The following COL21A1 variants were observed in gnomAD, a reference collection of about 807,000 sequenced individuals.
The protein encoded by COL21A1 is collagen alpha-1(XXI) chain.
Under a neutral mutation model 137.9 loss-of-function variants are expected in COL21A1, and 149 were observed. The ratio of observed to expected loss-of-function variants is 1.08; its 90% CI spans 0.95 to 1.24. The LOEUF is 1.24. Ranked by LOEUF, COL21A1 falls within the 50% of genes most tolerant of loss-of-function variation. The pLI, the probability that COL21A1 is intolerant of heterozygous loss-of-function variation, is 0.00. For synonymous variants in COL21A1, 456 were observed against 391.5 expected, an observed-to-expected ratio of 1.16 and a Z score of -1.95; for missense variants, 1,167 against 1,158.4, an observed-to-expected ratio of 1.01 and a Z score of -0.11.
At chr6:56,349,342 C>T (rs1418134800) in intron 1 of COL21A1, among the ~76,000 whole-genome samples, 1 of 103,654 alleles carries the variant, frequency 9.6e-6, no homozygotes, top group Non-Finnish European at 2.1e-5. Flanking sequence ...AGACCCGCCC[C>T]CCTGAAAAAA....
intron 17 of COL21A1, among the ~76,000 whole-genome samples, chr6:56,088,717 G>A: frequency 6.6e-6 from 1 of 151,930 alleles, no homozygotes; most frequent in South Asian, 2.1e-4. Flanking sequence ...CACTTCCTAT[G>A]TGTTTCATGA....
intron 1 of COL21A1, among the ~76,000 whole-genome samples, chr6:56,333,356 G>A (rs1765272647): frequency 7.0e-6 from 1 of 143,856 alleles, no homozygotes; most frequent in Non-Finnish European, 1.5e-5. Context: ...TTACTTTGCA[G>A]TGTTTGAGAA....
At chr6:56,345,756 T>C (rs992860076) in intron 1 of COL21A1, among the ~76,000 whole-genome samples, 1 of 152,204 alleles carries the variant, frequency 6.6e-6, no homozygotes, top group Non-Finnish European at 1.5e-5. Context: ...GTTTTGGAAA[T>C]ATGCTGTGGT....
chr6:56,256,390 A>G (rs1410215199), intron 1 of COL21A1, among the ~76,000 whole-genome samples: 2 of 152,216 alleles, frequency 1.3e-5, no homozygotes, highest in East Asian at 1.9e-4. Context: ...AACAGAATGT[A>G]TCTTAATTCC....
intron 1 of COL21A1, among the ~76,000 whole-genome samples, chr6:56,256,691 T>G (rs1306169932): frequency 4.9e-5 from 6 of 121,940 alleles, no homozygotes; most frequent in African/African-American, 2.3e-4. Context: ...GGCCAAATAA[T>G]ATTTTTTAAA....
At chr6:56,264,052 T>G (rs13202214) in intron 1 of COL21A1, among the ~76,000 whole-genome samples, 35,342 of 152,138 alleles carry the variant, frequency 0.23, 4,470 homozygotes, top group Non-Finnish European at 0.29. Flanking sequence ...ACAATTCCTC[T>G]GTTTATAATG....
Position 56,075,519 on chromosome 6 carries a change from G to A in COL21A1, c.1871C>T (p.Pro624Leu). 1.3e-6 allele frequency: 2 copies of A among 1,523,300 alleles called. No homozygotes were observed. The highest frequency in any genetic ancestry group is 8.8e-7 in the Non-Finnish European group (1 of 1,136,668). 94.4% of individuals were successfully genotyped at this position (1,523,300 alleles called of 1,614,324 possible). Residue 624 changes from proline (P) to leucine (L), a missense_variant, in exon 19 of 30, where the codon CCT becomes CTT. Pro to Leu is a moderately conservative substitution (Grantham distance 98). Coordinates refer to ENST00000244728, the MANE Select transcript of COL21A1 (RefSeq NM_030820.4). ...TCCTTTTTTTCCTTGCTGTCCTGGA[G>A]GCCCAATTTCTCCCTAAAAAAATCA... Reference protein sequence around the residue: ...GLMGQKGEIGPPGQQGKKGAP... With the variant: ...GLMGQKGEIGLPGQQGKKGAP...
chr6:56,125,962 A>G, intron 13 of COL21A1, 134 bp downstream of exon 13: 2 of 559,746 alleles, frequency 3.6e-6, no homozygotes, highest in Middle Eastern at 5.0e-4. Context: ...ACTAATATTA[A>G]TCTTAGCCCA....
At chr6:56,187,712 AAACTAT>A (rs1295940449) in intron 1 of COL21A1, among the ~76,000 whole-genome samples, 1 of 145,024 alleles carries the variant, frequency 6.9e-6, no homozygotes, top group Non-Finnish European at 1.5e-5. Context: ...GTAAAAACTA[AAACTAT>A]AAGTCTTCAA....
intron 10 of COL21A1, among the ~76,000 whole-genome samples, chr6:56,143,796 T>C (rs751368248): frequency 3.9e-5 from 6 of 152,208 alleles, no homozygotes; most frequent in Non-Finnish European, 7.3e-5. Flanking sequence ...CCAGGTTTAA[T>C]TCATTTCTGT....
intron 1 of COL21A1, among the ~76,000 whole-genome samples, chr6:56,374,194 C>T (rs2093995142): frequency 6.6e-6 from 1 of 152,164 alleles, no homozygotes; most frequent in African/African-American, 2.4e-5. Flanking sequence ...GATGATGGAG[C>T]TCATGGAAGA....
At chr6:56,350,736 C>A (rs1365696016) in intron 1 of COL21A1, among the ~76,000 whole-genome samples, 2 of 152,122 alleles carry the variant, frequency 1.3e-5, no homozygotes, top group African/African-American at 4.8e-5. Context: ...GACTCCCCAC[C>A]AGTTGGGGCT....
At chr6:56,293,218 T>C (rs1764092691) in intron 1 of COL21A1, among the ~76,000 whole-genome samples, 1 of 152,186 alleles carries the variant, frequency 6.6e-6, no homozygotes, top group African/African-American at 2.4e-5. Context: ...TTAAGTAATG[T>C]AAAAAGTGTC....
chr6:56,254,088 A>G (rs1253784544), intron 1 of COL21A1, among the ~76,000 whole-genome samples: 1 of 152,188 alleles, frequency 6.6e-6, no homozygotes, highest in African/African-American at 2.4e-5. Context: ...ACATTGAGTG[A>G]AATCATATTT....
chr6:56,163,816 A>T (rs1259261854), intron 9 of COL21A1, among the ~76,000 whole-genome samples: 1 of 152,222 alleles, frequency 6.6e-6, no homozygotes, highest in African/African-American at 2.4e-5. Context: ...AATGGCTCCG[A>T]TCATATAAAA....
intron 1 of COL21A1, among the ~76,000 whole-genome samples, chr6:56,240,525 AACTCT>A (rs1213726099): frequency 6.6e-6 from 1 of 152,218 alleles, no homozygotes; most frequent in Admixed American, 6.5e-5. Context: ...GGAATAAATA[AACTCT>A]ACATTTCTCA....
Position 56,060,753 on chromosome 6 carries a change from C to G in COL21A1, c.2395G>C (p.Asp799His), listed in dbSNP as rs771903984. Residue 799 changes from aspartate (D) to histidine (H), a missense_variant, in exon 27 of 30, where the codon GAT (aspartate) becomes CAT (histidine). Coordinates refer to ENST00000244728, the MANE Select transcript of COL21A1 (RefSeq NM_030820.4). ...SEQFIRQVCT[D>H]VIRAQLPVLL... ...ATTTGATACCTACCTCTTATTACAT[C>G]TGTGCAAACTTGTCGAATAAATTGT... 3 of 1,607,352 alleles carry G rather than the reference C, an allele frequency of 1.9e-6. No individual in the cohort carries two copies. The highest frequency in any genetic ancestry group is 2.5e-6 in the Non-Finnish European group (3 of 1,178,278).
At chr6:56,078,777 A>G (rs1201129290) in intron 17 of COL21A1, among the ~76,000 whole-genome samples, 6 of 151,658 alleles carry the variant, frequency 4.0e-5, no homozygotes, top group African/African-American at 1.2e-4. Flanking sequence ...CCACTTCACT[A>G]TACCATTTGC....
chr6:56,068,008 A>G (rs1013083596), intron 22 of COL21A1, among the ~76,000 whole-genome samples: 3 of 151,686 alleles, frequency 2.0e-5, no homozygotes, highest in Non-Finnish European at 4.4e-5. Flanking sequence ...TTGCATTTCA[A>G]CAAAAAAATA....
Sources: allele counts gnomAD v4.1 joint callset (sites outside exome capture counted in the v4.1 genomes callset), GRCh38; gene constraint gnomAD v4.1.1; transcripts MANE v1.5; gene names NCBI Gene and HGNC (gene_info 2026-07-23, HGNC 2026-07-21).